PRKCA: variants seen among roughly 807,000 people sequenced by gnomAD.
PRKCA encodes protein kinase C alpha type.
PRKCA carries 27 observed loss-of-function variants against 87.0 expected under a neutral mutation model. The ratio of observed to expected loss-of-function variants is 0.31; its 90% CI spans 0.23 to 0.43. The LOEUF (loss-of-function observed/expected upper bound fraction) is 0.43, where lower values mean the gene tolerates loss of function less well. Among genes scored for constraint, PRKCA ranks in the 20% least tolerant of loss-of-function variants. The probability of loss-of-function intolerance (pLI) is 1.00; values close to 1 mark genes in which losing one functional copy is unlikely to be tolerated. For synonymous variants in PRKCA, 329 were observed against 311.1 expected (o/e 1.06, Z -0.61); for missense variants, 518 against 852.3 (o/e 0.61, Z 4.88).
intron 2 of PRKCA, among the ~76,000 whole-genome samples, chr17:66,408,307 A>G (rs187740047): frequency 6.6e-6 from 1 of 152,370 alleles, no homozygotes; most frequent in East Asian, 1.9e-4. Flanking sequence ...TGAATTGACT[A>G]TATTTCATTG....
At chr17:66,686,736 A>G (rs535272956) in intron 5 of PRKCA, among the ~76,000 whole-genome samples, 8 of 152,262 alleles carry the variant, frequency 5.3e-5, no homozygotes, top group Non-Finnish European at 1.0e-4. Flanking sequence ...GGGAGGGTGC[A>G]CCATTACTCC....
intron 5 of PRKCA, among the ~76,000 whole-genome samples, chr17:66,656,139 G>A (rs1400064839): frequency 1.3e-5 from 2 of 152,198 alleles, no homozygotes; most frequent in Non-Finnish European, 2.9e-5. Flanking sequence ...AAGGGGCAAA[G>A]AGTTGCCAGT....
At chr17:66,566,032 G>T (rs1158246950) in intron 3 of PRKCA, among the ~76,000 whole-genome samples, 2 of 152,104 alleles carry the variant, frequency 1.3e-5, no homozygotes, top group Non-Finnish European at 2.9e-5. Context: ...CCCTGAAGAT[G>T]TTGGGGATTT....
At chr17:66,757,874 A>G (rs1974591743) in intron 13 of PRKCA, among the ~76,000 whole-genome samples, 1 of 152,100 alleles carries the variant, frequency 6.6e-6, no homozygotes, top group Non-Finnish European at 1.5e-5. Flanking sequence ...ACAGGTGCCC[A>G]CCACCATGCC....
chr17:66,412,693 C>A (rs559406150), intron 2 of PRKCA: 1 of 152,256 alleles, frequency 6.6e-6, no homozygotes, highest in Non-Finnish European at 1.5e-5. Flanking sequence ...ACTTTAGTAG[C>A]GAGATGGCTG....
chr17:66,801,132 T>C lies in PRKCA; in HGVS notation c.1855-2741T>C, dbSNP rs1003214355. Among the ~76,000 whole-genome samples, 43 of 152,368 alleles carry C rather than the reference T, an allele frequency of 2.8e-4. No individual in the cohort carries two copies. The Middle Eastern group carries it at 0.01, about 36-fold the overall frequency. On this transcript the variant is annotated intron_variant, in intron 16 of 16. Transcript: ENST00000413366. The stretch of plus-strand genomic sequence containing the variant: ...CGCTTCTCCATTCTCCGCTCTCACA[T>C]ACGGCTGCTCCTGCCTGATTCCCTA...
At chr17:66,562,118 TTAAA>T (rs1968713426) in intron 3 of PRKCA, among the ~76,000 whole-genome samples, 1 of 104,774 alleles carries the variant, frequency 9.5e-6, no homozygotes, top group Non-Finnish European at 1.8e-5. Context: ...ATATATATAA[TTAAA>T]TATATATAAT....
intron 16 of PRKCA, among the ~76,000 whole-genome samples, chr17:66,798,452 ACGGTGGTGGTGGTGGTGG>A (rs1975740740): frequency 1.1e-4 from 1 of 8,972 alleles, no homozygotes; most frequent in Non-Finnish European, 2.1e-4. Flanking sequence ...GGTGGTGGTG[ACGGTGGTGGTGGTGGTGG>A]TGGTGGTGGT....
At chr17:66,658,137 AAGG>A (rs533652622) in intron 5 of PRKCA, among the ~76,000 whole-genome samples, 9 of 152,254 alleles carry the variant, frequency 5.9e-5, no homozygotes, top group Non-Finnish European at 1.2e-4. Flanking sequence ...TGGCGGCAGG[AAGG>A]AGAAGAAGAA....
chr17:66,579,078 A>G (rs774986390), intron 3 of PRKCA, among the ~76,000 whole-genome samples: 28 of 152,194 alleles, frequency 1.8e-4, no homozygotes, highest in African/African-American at 1.9e-4. Context: ...GCATGTGCAC[A>G]TGTGCGTTCC....
intron 1 of PRKCA, 114 bp downstream of exon 1, chr17:66,303,138 C>A: frequency 1.4e-6 from 2 of 1,395,036 alleles, no homozygotes; most frequent in Non-Finnish European, 1.9e-6. Flanking sequence ...TTGGAACCGG[C>A]GGGAGTCCGA....
chr17:66,335,839 A>G (rs12450534), intron 2 of PRKCA, among the ~76,000 whole-genome samples: 110,469 of 152,004 alleles, frequency 0.73, 40,309 homozygotes, highest in Middle Eastern at 0.8. Flanking sequence ...TAATTACTTC[A>G]GGTAAATTCC....
At chr17:66,460,268 A>T (rs1914783622) in intron 2 of PRKCA, among the ~76,000 whole-genome samples, 1 of 152,208 alleles carries the variant, frequency 6.6e-6, no homozygotes, top group Admixed American at 6.5e-5. Context: ...TGTATGATCC[A>T]TATGGCTGAA....
rs199734122 is a variant in PRKCA at position 66,779,614 on chromosome 17, CT to C, written c.1605+5548del. On this transcript the variant is annotated intron_variant, in intron 14 of 16. Coordinates refer to ENST00000413366, the MANE Select transcript of PRKCA (RefSeq NM_002737.3). ...TAAGCGTGGCCTCCATGACCACTTC[CT>C]AGCTGAGATCACACCAGTGCAGTGA... 3.1e-3 allele frequency among the ~76,000 whole-genome samples: 466 copies of C among 152,236 alleles called. 2 individuals carry two copies. The highest frequency in any genetic ancestry group is 0.011 in the African/African-American group (441 of 41,544).
intron 2 of PRKCA, among the ~76,000 whole-genome samples, chr17:66,371,087 A>G (rs1909080732): frequency 6.6e-6 from 1 of 152,264 alleles, no homozygotes; most frequent in Non-Finnish European, 1.5e-5. Flanking sequence ...CGAGTAGCAA[A>G]TAAGATATGA....
intron 8 of PRKCA, among the ~76,000 whole-genome samples, chr17:66,724,295 C>CAAA (rs11445685): frequency 6.6e-5 from 9 of 137,272 alleles, no homozygotes; most frequent in Admixed American, 1.5e-4. Context: ...GACTCCATCT[C>CAAA]AAAAAAAAAA....
intron 3 of PRKCA, among the ~76,000 whole-genome samples, chr17:66,637,236 C>A (rs1363941723): frequency 6.6e-6 from 1 of 152,208 alleles, no homozygotes; most frequent in Non-Finnish European, 1.5e-5. Context: ...CACCCTGGGG[C>A]TGCCTGGCAT....
intron 3 of PRKCA, among the ~76,000 whole-genome samples, chr17:66,497,518 A>G (rs907975922): frequency 1.3e-5 from 2 of 152,048 alleles, no homozygotes; most frequent in African/African-American, 4.8e-5. Flanking sequence ...AAGGATCCAC[A>G]AAGGAGTCAC....
chr17:66,604,160 T>A (rs980136664), intron 3 of PRKCA, among the ~76,000 whole-genome samples: 1 of 152,124 alleles, frequency 6.6e-6, no homozygotes, highest in Non-Finnish European at 1.5e-5. Context: ...GTCAACAGGA[T>A]TTCCCAGAGT....
Sources: allele counts gnomAD v4.1 joint callset (sites outside exome capture counted in the v4.1 genomes callset), GRCh38; gene constraint gnomAD v4.1.1; transcripts MANE v1.5; gene names NCBI Gene and HGNC (gene_info 2026-07-23, HGNC 2026-07-21).